The following FOXP1 variants were observed in gnomAD, a reference collection of about 807,000 sequenced individuals.
The protein encoded by FOXP1 is forkhead box protein P1.
FOXP1 carries 15 observed loss-of-function variants against 98.2 expected under a neutral mutation model. The observed-to-expected ratio is 0.15, with a 90% CI of 0.10 to 0.24. The LOEUF (loss-of-function observed/expected upper bound fraction) is 0.24. Among genes scored for constraint, FOXP1 ranks in the 10% least tolerant of loss-of-function variants. The pLI is 1.00. For missense variants in FOXP1, 633 were observed against 848.5 expected, an observed-to-expected ratio of 0.75 and a Z score of 3.15; for synonymous variants, 371 against 314.5, an observed-to-expected ratio of 1.18 and a Z score of -1.90.
chr3:71,033,563 T>G (rs2047154681), intron 11 of FOXP1, among the ~76,000 whole-genome samples: 1 of 139,122 alleles, frequency 7.2e-6, no homozygotes, highest in South Asian at 2.3e-4. Flanking sequence ...GAATAATGGC[T>G]GAGGTTTTTT....
chr3:71,127,574 T>A (rs1453360744), intron 6 of FOXP1, among the ~76,000 whole-genome samples: 1 of 152,188 alleles, frequency 6.6e-6, no homozygotes, highest in South Asian at 2.1e-4. Context: ...TTCTTCATGG[T>A]AAAACACTTT....
At chr3:70,965,469 G>A (rs377027128) in intron 20 of FOXP1, among the ~76,000 whole-genome samples, 3 of 152,274 alleles carry the variant, frequency 2.0e-5, no homozygotes, top group South Asian at 2.1e-4. Flanking sequence ...CTGCGGCGGC[G>A]TGTTCGTGGT....
intron 13 of FOXP1, 128 bp downstream of exon 13, chr3:71,000,844 T>TAAAATAAAATAAAATA (rs1395214949): frequency 2.5e-6 from 1 of 404,230 alleles, no homozygotes; most frequent in African/African-American, 2.1e-5. Flanking sequence ...TAAAATAAAA[T>TAAAATAAAATAAAATA]AAAGGACAAT....
chr3:71,388,091 A>T (rs564235359), intron 3 of FOXP1, among the ~76,000 whole-genome samples: 2 of 152,294 alleles, frequency 1.3e-5, no homozygotes, highest in South Asian at 4.1e-4. Context: ...TCCTTTTCTA[A>T]CTTTATTTTT....
intron 12 of FOXP1, among the ~76,000 whole-genome samples, chr3:71,007,269 A>T: frequency 6.6e-6 from 1 of 152,128 alleles, no homozygotes; most frequent in East Asian, 1.9e-4. Context: ...TTTCATCCTC[A>T]TCTTCTCGAG....
At chr3:71,048,225 A>C (rs1263622511) in intron 9 of FOXP1, among the ~76,000 whole-genome samples, 1 of 152,222 alleles carries the variant, frequency 6.6e-6, no homozygotes, top group African/African-American at 2.4e-5. Context: ...AGAGACTTTT[A>C]CAACTAAAAG....
intron 19 of FOXP1, chr3:70,969,872 G>A (rs2035824805): frequency 1.5e-5 from 2 of 134,338 alleles, no homozygotes; most frequent in South Asian, 4.5e-4. Flanking sequence ...AGTCTGGGTA[G>A]GGGCAAAAAC....
intron 5 of FOXP1, among the ~76,000 whole-genome samples, chr3:71,277,377 A>G (rs760469844): frequency 6.6e-6 from 1 of 151,990 alleles, no homozygotes; most frequent in Non-Finnish European, 1.5e-5. Flanking sequence ...TGTTGCCACA[A>G]ATGACAAGAT....
chr3:71,428,074 G>T (rs775769264), intron 3 of FOXP1, among the ~76,000 whole-genome samples: 1 of 152,178 alleles, frequency 6.6e-6, no homozygotes, highest in African/African-American at 2.4e-5. Flanking sequence ...TTCAGGCACT[G>T]CTATCATAGC....
At chr3:71,256,090 T>C (rs1238967653) in intron 5 of FOXP1, among the ~76,000 whole-genome samples, 1 of 152,208 alleles carries the variant, frequency 6.6e-6, no homozygotes, top group Non-Finnish European at 1.5e-5. Context: ...TCTTGGTATG[T>C]CATTACATCT....
chr3:71,566,417 GACA>G (rs1343341922), intron 2 of FOXP1, among the ~76,000 whole-genome samples: 1 of 152,166 alleles, frequency 6.6e-6, no homozygotes, highest in Non-Finnish European at 1.5e-5. Flanking sequence ...AAATAATACA[GACA>G]GACTACGTAA....
intron 3 of FOXP1, among the ~76,000 whole-genome samples, chr3:71,441,161 A>G (rs1215666006): frequency 6.6e-6 from 1 of 152,240 alleles, no homozygotes; most frequent in African/African-American, 2.4e-5. Flanking sequence ...GCCTTTAGTA[A>G]GGGTAAATAA....
Position 70,966,163 on chromosome 3 carries a change from T to C in FOXP1, c.1723-107A>G, listed in dbSNP as rs1014448047. On this transcript the variant is annotated intron_variant, in intron 19 of 20. Coordinates refer to ENST00000649528, the MANE Select transcript of FOXP1 (RefSeq NM_001349338.3). ...TCTTCAGTTTGAGTTAATTGTAGCATGGCTGGCAAATACAAGTTTCTAAGA... is the reference window on the plus strand; with the variant it reads ...TCTTCAGTTTGAGTTAATTGTAGCACGGCTGGCAAATACAAGTTTCTAAGA... 1.1e-5 allele frequency: 11 copies of C among 1,011,292 alleles called. No homozygotes were observed. In the African/African-American group the frequency reaches 1.6e-4, roughly 15 times the overall value. 62.6% of individuals were successfully genotyped at this position (1,011,292 alleles called of 1,614,324 possible).
At chr3:71,007,378 A>AT (rs1248250219) in intron 12 of FOXP1, among the ~76,000 whole-genome samples, 2 of 152,174 alleles carry the variant, frequency 1.3e-5, no homozygotes, top group Admixed American at 6.5e-5. Flanking sequence ...ACTAGAGGTA[A>AT]TTTCACTGCA....
At chr3:71,542,588 C>A (rs1041192256) in intron 2 of FOXP1, among the ~76,000 whole-genome samples, 2 of 152,324 alleles carry the variant, frequency 1.3e-5, no homozygotes, top group Middle Eastern at 6.8e-3. Flanking sequence ...GCTGTTAAGC[C>A]GCACAGACGA....
chr3:71,234,074 A>G (rs1250115659), intron 5 of FOXP1, among the ~76,000 whole-genome samples: 1 of 152,124 alleles, frequency 6.6e-6, no homozygotes, highest in Non-Finnish European at 1.5e-5. Flanking sequence ...TGTTTCTCGC[A>G]TGCCCATTTG....
At chr3:71,084,723 A>G (rs1181493575) in intron 7 of FOXP1, among the ~76,000 whole-genome samples, 10 of 152,178 alleles carry the variant, frequency 6.6e-5, no homozygotes, top group African/African-American at 2.4e-4. Context: ...CTCCTAAATA[A>G]AATGATTTTT....
Position 71,180,139 on chromosome 3 carries a change from G to A in FOXP1, c.180+18063C>T, listed in dbSNP as rs531661266. On this transcript the variant is annotated intron_variant, in intron 6 of 20. Coordinates refer to ENST00000649528, the MANE Select transcript of FOXP1 (RefSeq NM_001349338.3). ...CTACAGCTACTTATACTCAGAAATC[G>A]GAAGACCTTCTAAAGTTCTTGCTTA... 1.3e-3 allele frequency among the ~76,000 whole-genome samples: 193 copies of A among 151,944 alleles called. 2 individuals carry two copies. Among genetic ancestry groups the A allele is most frequent in the Non-Finnish European group, 1.8e-3 (124 of 67,980 alleles).
intron 5 of FOXP1, among the ~76,000 whole-genome samples, chr3:71,273,940 T>A (rs2070645983): frequency 6.6e-6 from 1 of 152,200 alleles, no homozygotes; most frequent in Admixed American, 6.5e-5. Flanking sequence ...CTCATGCTCT[T>A]CTCAGACTGG....
Sources: allele counts gnomAD v4.1 joint callset (sites outside exome capture counted in the v4.1 genomes callset), GRCh38; gene constraint gnomAD v4.1.1; transcripts MANE v1.5; gene names NCBI Gene and HGNC (gene_info 2026-07-23, HGNC 2026-07-21).